The following PDSS2 variants were observed in gnomAD, a reference collection of about 807,000 sequenced individuals.
The protein encoded by PDSS2 is all trans-polyprenyl-diphosphate synthase PDSS2.
In PDSS2, 31 loss-of-function variants were observed where a neutral mutation model predicts 44.5. The ratio of observed to expected loss-of-function variants is 0.70; its 90% CI spans 0.52 to 0.94. The LOEUF is 0.94. Among genes scored for constraint, PDSS2 ranks in the 40% least tolerant of loss-of-function variants. PDSS2 has a pLI of 0.00. For missense variants in PDSS2, 452 were observed against 482.2 expected (o/e 0.94, Z 0.59); for synonymous variants, 157 against 180.3 (o/e 0.87, Z 1.03).
chr6:107,220,730 A>C (rs915888737), intron 4 of PDSS2, among the ~76,000 whole-genome samples: 1 of 152,172 alleles, frequency 6.6e-6, no homozygotes, highest in African/African-American at 2.4e-5. Context: ...AGAAACGATT[A>C]ATTTATAGTC....
chr6:107,291,977 G>A (rs1776364445), intron 2 of PDSS2, among the ~76,000 whole-genome samples: 1 of 152,128 alleles, frequency 6.6e-6, no homozygotes, highest in Admixed American at 6.5e-5. Context: ...CCAGCTCTGA[G>A]CACACACACT....
chr6:107,210,770 G>A (rs908185015), intron 5 of PDSS2, among the ~76,000 whole-genome samples, 200 bp from the exon 6 acceptor site: 1 of 152,120 alleles, frequency 6.6e-6, no homozygotes, highest in African/African-American at 2.4e-5. Context: ...TTGGGAGGCT[G>A]GGATGGGTGG....
At chr6:107,408,834 C>T (rs1296692139) in intron 1 of PDSS2, among the ~76,000 whole-genome samples, 2 of 152,082 alleles carry the variant, frequency 1.3e-5, no homozygotes, top group Non-Finnish European at 2.9e-5. Flanking sequence ...CTTTACAAGC[C>T]GCCAGTCTGT....
At chr6:107,230,629 C>T (rs1421291743) in intron 4 of PDSS2, among the ~76,000 whole-genome samples, 1 of 152,032 alleles carries the variant, frequency 6.6e-6, no homozygotes, top group Non-Finnish European at 1.5e-5. Flanking sequence ...AGAGGCTCTG[C>T]TCCAAGGGTC....
At chr6:107,167,412 A>T (rs1312094556) in intron 7 of PDSS2, among the ~76,000 whole-genome samples, 1 of 151,944 alleles carries the variant, frequency 6.6e-6, no homozygotes. Context: ...AATTTTGTTG[A>T]TCTTTTCAAA....
intron 3 of PDSS2, 81 bp from the exon 4 acceptor site, chr6:107,245,700 G>A (rs1774591312): frequency 2.3e-6 from 2 of 881,140 alleles, no homozygotes; most frequent in Non-Finnish European, 3.5e-6. Flanking sequence ...AGAAGGCTCA[G>A]TGGCAAGGCA....
chr6:107,379,937 A>T (rs1779405376), intron 1 of PDSS2, among the ~76,000 whole-genome samples: 1 of 151,556 alleles, frequency 6.6e-6, no homozygotes, highest in Non-Finnish European at 1.5e-5. Flanking sequence ...TTTCTGCTAT[A>T]TTTTCTTTCT....
intron 1 of PDSS2, among the ~76,000 whole-genome samples, chr6:107,374,149 G>A (rs1391512823): frequency 2.0e-5 from 3 of 151,292 alleles, no homozygotes; most frequent in African/African-American, 7.3e-5. Context: ...AGCTGCTCAG[G>A]AGGCTGAGGC....
Position 107,272,543 on chromosome 6 carries a change from A to G in PDSS2, c.630+1486T>C, listed in dbSNP as rs570255760. Among the ~76,000 whole-genome samples, 24 of 152,146 alleles carry G rather than the reference A, an allele frequency of 1.6e-4. 1 individual carries two copies. The highest frequency in any genetic ancestry group is 5.8e-4 in the African/African-American group (24 of 41,508). On this transcript the variant is annotated intron_variant, in intron 3 of 7. Coordinates refer to ENST00000369037, the MANE Select transcript of PDSS2 (RefSeq NM_020381.4). ...TCACTATACCAACTTTTGACTGCCT[A>G]CTCCTAGATGATTTTACATGAGAGA... is the stretch of plus-strand genomic sequence containing the variant.
intron 6 of PDSS2, 107 bp from the exon 7 acceptor site, chr6:107,193,961 CCTCT>C (rs149666721): frequency 3.0e-5 from 23 of 760,630 alleles, no homozygotes; most frequent in East Asian, 2.5e-4. Context: ...TCCCCCTTTC[CCTCT>C]CTCTATTTAA....
At chr6:107,446,516 A>G (rs561786688) in intron 1 of PDSS2, among the ~76,000 whole-genome samples, 1 of 152,282 alleles carries the variant, frequency 6.6e-6, no homozygotes, top group East Asian at 1.9e-4. Flanking sequence ...TTTTGTGTGT[A>G]GGTGTATAGA....
At chr6:107,299,396 T>A (rs978433315) in intron 2 of PDSS2, among the ~76,000 whole-genome samples, 4 of 152,136 alleles carry the variant, frequency 2.6e-5, no homozygotes, top group Admixed American at 2.0e-4. Flanking sequence ...AAAATGTTTT[T>A]AAAAATACAC....
At chr6:107,365,259 A>C (rs1778928713) in intron 1 of PDSS2, among the ~76,000 whole-genome samples, 1 of 152,164 alleles carries the variant, frequency 6.6e-6, no homozygotes, top group African/African-American at 2.4e-5. Flanking sequence ...ATTGGAGCAA[A>C]GTTTCTGTAT....
intron 2 of PDSS2, among the ~76,000 whole-genome samples, chr6:107,301,155 G>A (rs1776681446): frequency 6.6e-6 from 1 of 152,190 alleles, no homozygotes. Flanking sequence ...TATATAAATT[G>A]TGATTCGCGG....
At chr6:107,336,862 G>GTGTGTGTGTGTTTA (rs1562470999) in intron 1 of PDSS2, among the ~76,000 whole-genome samples, 1 of 145,330 alleles carries the variant, frequency 6.9e-6, no homozygotes, top group African/African-American at 2.6e-5. Flanking sequence ...GTGTGTGTGT[G>GTGTGTGTGTGTTTA]TGTGTGTGTG....
intron 4 of PDSS2, among the ~76,000 whole-genome samples, chr6:107,212,906 A>G (rs1773275219): frequency 6.6e-6 from 1 of 151,848 alleles, no homozygotes; most frequent in African/African-American, 2.4e-5. Context: ...CAGGAGGCTG[A>G]GGCAGGAAGA....
intron 1 of PDSS2, among the ~76,000 whole-genome samples, chr6:107,383,871 A>G (rs1298034388): frequency 6.6e-6 from 1 of 152,230 alleles, no homozygotes; most frequent in East Asian, 1.9e-4. Flanking sequence ...AAAGTTTAAA[A>G]AGGTAAAACA....
intron 1 of PDSS2, among the ~76,000 whole-genome samples, chr6:107,446,304 G>A (rs1488122056): frequency 6.6e-6 from 1 of 151,444 alleles, no homozygotes; most frequent in Non-Finnish European, 1.5e-5. Flanking sequence ...AACGAAGCAA[G>A]ACTCCATCTA....
chr6:107,182,014 TATG>T (rs1213098680), intron 7 of PDSS2, among the ~76,000 whole-genome samples: 22 of 152,196 alleles, frequency 1.4e-4, no homozygotes, highest in African/African-American at 5.3e-4. Context: ...GAATAGAGAT[TATG>T]ATAATTAAAT....
Sources: allele counts gnomAD v4.1 joint callset (sites outside exome capture counted in the v4.1 genomes callset), GRCh38; gene constraint gnomAD v4.1.1; transcripts MANE v1.5; gene names NCBI Gene and HGNC (gene_info 2026-07-23, HGNC 2026-07-21).